ADAMTS2: variants seen among roughly 807,000 people sequenced by gnomAD.
ADAMTS2 encodes the protein A disintegrin and metalloproteinase with thrombospondin motifs 2.
Under a neutral mutation model 123.0 loss-of-function variants are expected in ADAMTS2, and 50 were observed. That is an observed-to-expected ratio of 0.41 (90% confidence interval 0.32 to 0.51). ADAMTS2 has a LOEUF of 0.51. ADAMTS2 is among the 20% of genes least tolerant of loss of function. The probability of loss-of-function intolerance (pLI) is 0.35; values close to 1 mark genes in which losing one functional copy is unlikely to be tolerated. For missense variants in ADAMTS2, 1,494 were observed against 1,705.2 expected (o/e 0.88, Z 2.18); for synonymous variants, 678 against 695.4 (o/e 0.98, Z 0.39).
chr5:179,203,330 C>T (rs113510554), intron 4 of ADAMTS2, among the ~76,000 whole-genome samples: 34 of 152,360 alleles, frequency 2.2e-4, no homozygotes, highest in African/African-American at 7.7e-4. Flanking sequence ...CTGGATGTGC[C>T]GTTGCCCAGC....
rs1452908653 is a variant in ADAMTS2 at position 179,128,803 on chromosome 5, A to G, written c.2458-685T>C. Among the ~76,000 whole-genome samples the G allele has an allele frequency of 7.2e-5, 11 of 152,262 alleles. No individual in the cohort carries two copies. On this transcript the variant is annotated intron_variant, in intron 16 of 21. Transcript: ENST00000251582. The surrounding 1 kb of genome is among the most constrained non-coding windows in gnomAD (Gnocchi z 4.9). ...CATGCCTGAACGAAGCTTATTCAACACATGTATTTTCTTCTTAAGACACCA... is the reference window on the plus strand; with the variant it reads ...CATGCCTGAACGAAGCTTATTCAACGCATGTATTTTCTTCTTAAGACACCA...
chr5:179,326,193 T>TGTGTGTGC (rs906140785), intron 2 of ADAMTS2, among the ~76,000 whole-genome samples: 1 of 116,008 alleles, frequency 8.6e-6, no homozygotes, highest in Non-Finnish European at 1.8e-5. Flanking sequence ...AAATGGCGTT[T>TGTGTGTGC]GTGTGTGCGT....
chr5:179,315,322 C>CCGTTGGCTTCTGGAA (rs1756961806), intron 2 of ADAMTS2, among the ~76,000 whole-genome samples: 1 of 152,258 alleles, frequency 6.6e-6, no homozygotes, highest in African/African-American at 2.4e-5. Context: ...ACTGAGGCCA[C>CCGTTGGCTTCTGGAA]AGTGCTTTGG....
In ADAMTS2 at chr5:179,124,331, T is replaced by C. The variant is rs867980873; in HGVS notation, c.2958+642A>G. ...TCAGCTGGCTCTCAGGCCCTGCCCC[T>C]AGGACCACCCCTGAAGCCCTTCAGT... On this transcript the variant is annotated intron_variant, in intron 19 of 21. Transcript: ENST00000251582. Among the ~76,000 whole-genome samples the C allele has an allele frequency of 9.2e-5, 14 of 152,044 alleles. No individual in the cohort carries two copies. The South Asian group carries it at 2.1e-3, about 23-fold the overall frequency.
At chr5:179,251,977 G>C (rs180287) in intron 3 of ADAMTS2, among the ~76,000 whole-genome samples, 147,533 of 151,784 alleles carry the variant, frequency 0.97, 71,836 homozygotes, top group Middle Eastern at 1. Context: ...CAGAGGTTTT[G>C]TGTCTCACTG....
intron 5 of ADAMTS2, among the ~76,000 whole-genome samples, chr5:179,168,294 C>G (rs1344066560): frequency 6.6e-6 from 1 of 152,184 alleles, no homozygotes; most frequent in Non-Finnish European, 1.5e-5. Flanking sequence ...CAAAGTCACT[C>G]TTGGTTGGGA....
In ADAMTS2 at chr5:179,345,360, C is replaced by T; in HGVS notation, c.-32G>A. On this transcript the variant is annotated 5_prime_UTR_variant, in exon 1 of 22. Coordinates refer to ENST00000251582, the MANE Select transcript of ADAMTS2 (RefSeq NM_014244.5). This position sits in a 1 kb window ranked among gnomAD's most constrained non-coding sequence, Gnocchi z 7.5. ...CGGACTGCAGCCGGGGCCCCGCACT[C>T]GCAGCCGGCGCGAAAGTTCCCCGCG... The T allele has an allele frequency of 8.9e-7, 1 of 1,125,374 alleles. No individual in the cohort carries two copies. Among genetic ancestry groups the T allele is most frequent in the Non-Finnish European group, 1.1e-6 (1 of 919,744 alleles). The allele number at this position is 1,125,374 out of a possible 1,614,324, so 69.7% of individuals were successfully genotyped here.
intron 2 of ADAMTS2, among the ~76,000 whole-genome samples, chr5:179,274,319 G>A (rs992639988): frequency 2.0e-5 from 3 of 151,758 alleles, no homozygotes; most frequent in African/African-American, 7.3e-5. Context: ...CCATGCAGGG[G>A]ATTTTAAAAG....
intron 4 of ADAMTS2, among the ~76,000 whole-genome samples, chr5:179,193,020 A>G (rs1169971053): frequency 6.6e-6 from 1 of 152,138 alleles, no homozygotes; most frequent in Non-Finnish European, 1.5e-5. Context: ...CTTTTGCACA[A>G]GGGGCTCCTC....
At chr5:179,271,288 G>C (rs985531012) in intron 3 of ADAMTS2, among the ~76,000 whole-genome samples, 4 of 152,198 alleles carry the variant, frequency 2.6e-5, no homozygotes, top group Non-Finnish European at 5.9e-5. Flanking sequence ...TCTGGGATCA[G>C]AGACATGGCC....
At position 179,308,962 on chromosome 5, in the gene ADAMTS2, G is replaced by C. The variant is rs1756750609; in HGVS notation, c.534+34805C>G. On this transcript the variant is annotated intron_variant, in intron 2 of 21. Transcript: ENST00000251582. This position sits in a 1 kb window ranked among gnomAD's most constrained non-coding sequence, Gnocchi z 6.6. Reference sequence around the variant, plus strand: ...CAGGCCAGGCCATGGTGAGGCCCTGGGTCCAGGGAAAGATACGAAGAGGGC... The same window carrying C: ...CAGGCCAGGCCATGGTGAGGCCCTGCGTCCAGGGAAAGATACGAAGAGGGC... 6.6e-6 allele frequency among the ~76,000 whole-genome samples: 1 copy of C among 152,204 alleles called. No homozygotes were observed. Among genetic ancestry groups the C allele is most frequent in the Admixed American group, 6.5e-5 (1 of 15,294 alleles).
chr5:179,116,606 C>G (rs1413438951), intron 21 of ADAMTS2, among the ~76,000 whole-genome samples: 3 of 152,038 alleles, frequency 2.0e-5, no homozygotes, highest in African/African-American at 4.8e-5. Flanking sequence ...AGGGCAGAGC[C>G]CCAGAGCCTA....
rs1304725557 is a variant in ADAMTS2 at position 179,111,535 on chromosome 5, A to C, written c.*2332T>G. The C allele has an allele frequency of 1.3e-5, 2 of 152,262 alleles. No individual in the cohort carries two copies. Among genetic ancestry groups the C allele is most frequent in the Non-Finnish European group, 2.9e-5 (2 of 68,058 alleles). The allele number at this position is 152,262 out of a possible 1,614,324, so 9.4% of individuals were successfully genotyped here. A position where few individuals can be genotyped will look rare whatever the true frequency, so the allele number is the denominator to read the frequency against. On this transcript the variant is annotated 3_prime_UTR_variant, in exon 22 of 22. Coordinates refer to ENST00000251582, the MANE Select transcript of ADAMTS2 (RefSeq NM_014244.5). ...GATGGCACAGAGGGTCATGGCTGTC[A>C]GTCCCAGAGGGCACCTTGCTCCCTT...
chr5:179,225,950 C>T lies in ADAMTS2; in HGVS notation c.689-18235G>A, dbSNP rs921536098. 6.6e-6 allele frequency among the ~76,000 whole-genome samples: 1 copy of T among 152,168 alleles called. No homozygotes were observed. On this transcript the variant is annotated intron_variant, in intron 3 of 21. Coordinates refer to ENST00000251582, the MANE Select transcript of ADAMTS2 (RefSeq NM_014244.5). The surrounding 1 kb of genome is among the most constrained non-coding windows in gnomAD (Gnocchi z 4.5). Reference sequence around the variant, plus strand: ...CCTACAGACAGCTAAAGTAAAAGAGCACATGCAGCACACGCCCACTGGGGC... The same window carrying T: ...CCTACAGACAGCTAAAGTAAAAGAGTACATGCAGCACACGCCCACTGGGGC...
chr5:179,236,056 C>T (rs1272435302), intron 3 of ADAMTS2, among the ~76,000 whole-genome samples: 1 of 152,238 alleles, frequency 6.6e-6, no homozygotes, highest in Non-Finnish European at 1.5e-5. Context: ...CCTCTTGGCA[C>T]ATCTCAGCTT....
intron 2 of ADAMTS2, among the ~76,000 whole-genome samples, chr5:179,290,205 T>C (rs991830054): frequency 6.6e-6 from 1 of 152,140 alleles, no homozygotes; most frequent in Non-Finnish European, 1.5e-5. Flanking sequence ...GTTCTCAAGG[T>C]AGCAAGGGAA....
At chr5:179,160,295 C>T (rs12187962) in intron 5 of ADAMTS2, among the ~76,000 whole-genome samples, 37,254 of 151,976 alleles carry the variant, frequency 0.25, 4,668 homozygotes, top group East Asian at 0.34. Context: ...CCTGTCTCTA[C>T]TAAAAATGCA....
At chr5:179,331,746 A>T (rs1757491260) in intron 2 of ADAMTS2, among the ~76,000 whole-genome samples, 1 of 151,604 alleles carries the variant, frequency 6.6e-6, no homozygotes, top group African/African-American at 2.4e-5. Flanking sequence ...CTGGTCTGGG[A>T]CCTCCCCTTG....
intron 3 of ADAMTS2, among the ~76,000 whole-genome samples, chr5:179,233,971 A>G (rs955241038): frequency 2.8e-4 from 42 of 152,176 alleles, no homozygotes; most frequent in African/African-American, 9.2e-4. Context: ...CGCAGGAGCC[A>G]GAAGAGGAAA....
Sources: gnomAD v4.1 joint callset for allele counts (sites outside exome capture counted in the v4.1 genomes callset) on GRCh38, gnomAD v4.1.1 for gene constraint, Gnocchi (gnomAD v3.1) non-coding constraint, MANE v1.5 for transcripts, NCBI Gene and HGNC (gene_info 2026-07-23, HGNC 2026-07-21) for gene names.